SLC1A1: variants seen among roughly 807,000 people sequenced by gnomAD.
The protein encoded by SLC1A1 is excitatory amino acid transporter 3.
SLC1A1 carries 43 observed loss-of-function variants against 53.3 expected under a neutral mutation model. The observed-to-expected ratio is 0.81, with a 90% CI of 0.63 to 1.04. The LOEUF (loss-of-function observed/expected upper bound fraction) is 1.04. Among genes scored for constraint, SLC1A1 ranks in the 50% least tolerant of loss-of-function variants. SLC1A1 has a pLI of 0.00. For missense variants in SLC1A1, 748 were observed against 664.9 expected (o/e 1.12, Z -1.37); for synonymous variants, 307 against 243.2 (o/e 1.26, Z -2.44).
At chr9:4,490,797 C>G (rs372508015) in intron 1 of SLC1A1, 27 bp downstream of exon 1, 1 of 1,580,076 alleles carries the variant, frequency 6.3e-7, no homozygotes. Context: ...GTGGGCGATG[C>G]GCGCACCCTC....
At chr9:4,577,210 C>T (rs1820635317) in intron 10 of SLC1A1, among the ~76,000 whole-genome samples, 1 of 152,170 alleles carries the variant, frequency 6.6e-6, no homozygotes, top group Admixed American at 6.5e-5. Context: ...AGGAGGGGAA[C>T]ATTTAGCTGA....
chr9:4,513,168 C>T (rs1178065893), intron 1 of SLC1A1, among the ~76,000 whole-genome samples: 2 of 151,610 alleles, frequency 1.3e-5, no homozygotes, highest in Non-Finnish European at 2.9e-5. Flanking sequence ...GATCTAGATG[C>T]CAAAGCACAA....
At chr9:4,564,246 T>A (rs540690470) in intron 3 of SLC1A1, 98 bp from the exon 4 acceptor site, 11 of 840,622 alleles carry the variant, frequency 1.3e-5, no homozygotes, top group Non-Finnish European at 2.2e-5. Flanking sequence ...CATCACACTA[T>A]TGCCTGGTAC....
intron 6 of SLC1A1, among the ~76,000 whole-genome samples, chr9:4,571,351 C>A (rs1424867820): frequency 3.3e-5 from 5 of 152,040 alleles, no homozygotes; most frequent in African/African-American, 9.7e-5. Flanking sequence ...ACATCCTGCA[C>A]CACATGTACC....
chr9:4,569,527 T>C (rs180906997), intron 6 of SLC1A1, among the ~76,000 whole-genome samples: 95 of 152,316 alleles, frequency 6.2e-4, no homozygotes, highest in Non-Finnish European at 1.0e-3. Flanking sequence ...TGGGCCTGCA[T>C]TGGTACCTCT....
chr9:4,539,637 T>C (rs567145098), intron 1 of SLC1A1, among the ~76,000 whole-genome samples: 2 of 152,270 alleles, frequency 1.3e-5, no homozygotes, highest in African/African-American at 4.8e-5. Flanking sequence ...AGTGGCATGA[T>C]CTCGGCTCAC....
chr9:4,517,945 T>C (rs1310972995), intron 1 of SLC1A1, among the ~76,000 whole-genome samples: 1 of 152,048 alleles, frequency 6.6e-6, no homozygotes, highest in East Asian at 1.9e-4. Context: ...AATGAAGTTG[T>C]AGCCGAGCAC....
At position 4,495,915 on chromosome 9, in the gene SLC1A1, G is replaced by A. The variant is rs1342723121; in HGVS notation, c.91+5145G>A. On this transcript the variant is annotated intron_variant, in intron 1 of 11. Transcript: ENST00000262352. The stretch of plus-strand genomic sequence containing the variant: ...ACCGACTTGGAAAAGAACATGGCAT[G>A]TTCCACGGTGGACGTGTTGAGTTTG... Among the ~76,000 whole-genome samples the A allele has an allele frequency of 2.0e-5, 3 of 152,182 alleles. No homozygotes were observed. In the South Asian group the frequency reaches 6.2e-4, roughly 31 times the overall value.
chr9:4,490,875 G>A, intron 1 of SLC1A1, 105 bp downstream of exon 1: 1 of 934,094 alleles, frequency 1.1e-6, no homozygotes, highest in East Asian at 2.6e-5. Flanking sequence ...TCCATGCAGG[G>A]TCCCTCGATG....
chr9:4,504,527 G>C (rs887255327), intron 1 of SLC1A1, among the ~76,000 whole-genome samples: 1 of 152,176 alleles, frequency 6.6e-6, no homozygotes, highest in East Asian at 1.9e-4. Context: ...TGTCAACCAG[G>C]AGATGTAACA....
intron 1 of SLC1A1, among the ~76,000 whole-genome samples, chr9:4,507,221 C>A (rs1373547956): frequency 6.6e-6 from 1 of 151,002 alleles, no homozygotes; most frequent in African/African-American, 2.4e-5. Context: ...GGTGACACAG[C>A]AAGACTCTGT....
intron 1 of SLC1A1, among the ~76,000 whole-genome samples, chr9:4,521,474 C>CT (rs1238520820): frequency 6.6e-6 from 1 of 152,162 alleles, no homozygotes; most frequent in African/African-American, 2.4e-5. Context: ...GCCATGGTGG[C>CT]TGAGGAAGCT....
At chr9:4,531,939 C>A (rs939291760) in intron 1 of SLC1A1, among the ~76,000 whole-genome samples, 6 of 152,184 alleles carry the variant, frequency 3.9e-5, no homozygotes, top group South Asian at 2.1e-4. Flanking sequence ...GATACACAGG[C>A]AAAGAGGGTC....
intron 1 of SLC1A1, among the ~76,000 whole-genome samples, chr9:4,535,864 T>C (rs1257807254): frequency 6.6e-6 from 1 of 151,898 alleles, no homozygotes; most frequent in Non-Finnish European, 1.5e-5. Context: ...AACAGAGATA[T>C]AGACCAATGG....
At chr9:4,561,263 G>T (rs574664821) in intron 2 of SLC1A1, among the ~76,000 whole-genome samples, 186 bp from the exon 3 acceptor site, 1 of 152,144 alleles carries the variant, frequency 6.6e-6, no homozygotes, top group Admixed American at 6.6e-5. Context: ...GCACCTGACT[G>T]GGCTTCCCTC....
chr9:4,536,698 T>C (rs1385857898), intron 1 of SLC1A1, among the ~76,000 whole-genome samples: 8 of 152,210 alleles, frequency 5.3e-5, no homozygotes. Context: ...ACTGGGTATA[T>C]ACCCAAAGGA....
At chr9:4,516,569 C>T (rs937785434) in intron 1 of SLC1A1, among the ~76,000 whole-genome samples, 5 of 152,178 alleles carry the variant, frequency 3.3e-5, no homozygotes, top group Non-Finnish European at 7.3e-5. Flanking sequence ...TGATGAAGTT[C>T]CTTCCCAACT....
chr9:4,573,185 A>G (rs998964652), intron 7 of SLC1A1, among the ~76,000 whole-genome samples: 2 of 152,168 alleles, frequency 1.3e-5, no homozygotes, highest in African/African-American at 2.4e-5. Flanking sequence ...GAAAATGCCA[A>G]AAAGTCCACC....
chr9:4,581,363 G>C (rs1420028345), intron 10 of SLC1A1, among the ~76,000 whole-genome samples: 1 of 152,198 alleles, frequency 6.6e-6, no homozygotes, highest in East Asian at 1.9e-4. Context: ...TCAAGCAGCA[G>C]GAATAGGTTT....
Sources: gnomAD v4.1 joint callset for allele counts (sites outside exome capture counted in the v4.1 genomes callset) on GRCh38, gnomAD v4.1.1 for gene constraint, MANE v1.5 for transcripts, NCBI Gene and HGNC (gene_info 2026-07-23, HGNC 2026-07-21) for gene names.